The following PDE11A variants were observed in gnomAD, a reference collection of about 807,000 sequenced individuals.
PDE11A encodes the protein dual 3',5'-cyclic-AMP and -GMP phosphodiesterase 11A.
Under a neutral mutation model 100.5 loss-of-function variants are expected in PDE11A, and 100 were observed. The ratio of observed to expected loss-of-function variants is 1.00; its 90% CI spans 0.85 to 1.18. PDE11A has a LOEUF of 1.18. Ranked by LOEUF, PDE11A falls within the 50% of genes most tolerant of loss-of-function variation. The pLI, the probability that PDE11A is intolerant of heterozygous loss-of-function variation, is 0.00. For missense variants in PDE11A, 1,141 were observed against 1,152.6 expected (o/e 0.99, Z 0.15); for synonymous variants, 381 against 420.8 (o/e 0.91, Z 1.16).
At chr2:177,720,969 G>A (rs1393484966) in intron 12 of PDE11A, among the ~76,000 whole-genome samples, 2 of 152,112 alleles carry the variant, frequency 1.3e-5, no homozygotes, top group African/African-American at 4.8e-5. Context: ...GCTTGTGTAT[G>A]TAAGTCTCAG....
intron 2 of PDE11A, among the ~76,000 whole-genome samples, chr2:177,943,425 G>A (rs988196253): frequency 5.3e-5 from 8 of 151,994 alleles, no homozygotes; most frequent in African/African-American, 7.3e-5. Flanking sequence ...TGCCATCCTC[G>A]TGGGTGCGAC....
At chr2:177,897,836 A>G (rs540863928) in intron 4 of PDE11A, among the ~76,000 whole-genome samples, 3 of 152,302 alleles carry the variant, frequency 2.0e-5, no homozygotes, top group African/African-American at 7.2e-5. Flanking sequence ...TTAGATCTCT[A>G]AAGTCCCTGT....
At chr2:177,735,168 G>A (rs1022596456) in intron 10 of PDE11A, among the ~76,000 whole-genome samples, 3 of 152,138 alleles carry the variant, frequency 2.0e-5, no homozygotes, top group Non-Finnish European at 2.9e-5. Flanking sequence ...AGGAACCCCC[G>A]GGAGAGTTTA....
intron 2 of PDE11A, among the ~76,000 whole-genome samples, chr2:177,948,722 A>G (rs2085472923): frequency 6.6e-6 from 1 of 152,158 alleles, no homozygotes; most frequent in Non-Finnish European, 1.5e-5. Context: ...TGGGCAACAC[A>G]GTGAGACACT....
intron 1 of PDE11A, among the ~76,000 whole-genome samples, chr2:178,047,820 C>A (rs2086771153): frequency 6.6e-6 from 1 of 152,028 alleles, no homozygotes; most frequent in Non-Finnish European, 1.5e-5. Flanking sequence ...TTTCCTAACC[C>A]CCCCATGTTA....
At chr2:177,927,886 C>T (rs1321086488) in intron 2 of PDE11A, among the ~76,000 whole-genome samples, 2 of 152,024 alleles carry the variant, frequency 1.3e-5, no homozygotes, top group African/African-American at 2.4e-5. Flanking sequence ...GGGCAGATCA[C>T]CTGAGGTTGG....
intron 10 of PDE11A, among the ~76,000 whole-genome samples, chr2:177,730,984 T>C (rs2081679963): frequency 6.6e-6 from 1 of 152,188 alleles, no homozygotes; most frequent in Admixed American, 6.5e-5. Flanking sequence ...CATTCTACTT[T>C]CTGTTTCTAT....
chr2:177,914,398 C>T (rs115974047), intron 2 of PDE11A, among the ~76,000 whole-genome samples: 23 of 152,260 alleles, frequency 1.5e-4, no homozygotes, highest in Middle Eastern at 3.4e-3. Context: ...TAAACTTGGC[C>T]TACTCTCTCT....
intron 10 of PDE11A, among the ~76,000 whole-genome samples, chr2:177,766,775 C>A (rs953545064): frequency 6.6e-6 from 1 of 152,078 alleles, no homozygotes; most frequent in African/African-American, 2.4e-5. Context: ...AGAAAAATCC[C>A]ATTTTAAAAT....
At chr2:177,961,606 A>C (rs1289098734) in intron 2 of PDE11A, among the ~76,000 whole-genome samples, 2 of 152,192 alleles carry the variant, frequency 1.3e-5, no homozygotes, top group Non-Finnish European at 2.9e-5. Context: ...ACCATAATGG[A>C]AAGTCAATAC....
At chr2:177,777,385 T>C (rs1272506759) in intron 9 of PDE11A, among the ~76,000 whole-genome samples, 1 of 152,200 alleles carries the variant, frequency 6.6e-6, no homozygotes, top group Admixed American at 6.5e-5. Flanking sequence ...ACTTTTAGCA[T>C]AGTCAATCTT....
chr2:177,853,778 A>C (rs2083774995), intron 5 of PDE11A, among the ~76,000 whole-genome samples: 4 of 139,820 alleles, frequency 2.9e-5, no homozygotes, highest in Admixed American at 7.6e-5. Flanking sequence ...ATATATCTAT[A>C]TATGTGTATA....
At chr2:177,988,497 G>A (rs2085966212) in intron 2 of PDE11A, among the ~76,000 whole-genome samples, 1 of 152,106 alleles carries the variant, frequency 6.6e-6, no homozygotes, top group East Asian at 1.9e-4. Context: ...AAAAAAGCAG[G>A]CTTCATAAGC....
At chr2:177,943,267 T>G (rs2085366126) in intron 2 of PDE11A, among the ~76,000 whole-genome samples, 1 of 152,202 alleles carries the variant, frequency 6.6e-6, no homozygotes, top group African/African-American at 2.4e-5. Context: ...ATACGGTAGT[T>G]CTACTTTTAA....
chr2:177,926,004 A>C (rs1437918947), intron 2 of PDE11A, among the ~76,000 whole-genome samples: 1 of 152,220 alleles, frequency 6.6e-6, no homozygotes, highest in Non-Finnish European at 1.5e-5. Context: ...TCCTTCCTCC[A>C]TTTGAAGAAA....
intron 5 of PDE11A, among the ~76,000 whole-genome samples, chr2:177,853,114 A>G (rs149921477): frequency 2.5e-5 from 3 of 119,284 alleles, no homozygotes; most frequent in East Asian, 5.1e-4. Flanking sequence ...TGCTTCTGTC[A>G]CAGCTGAATA....
chr2:177,719,239 G>C (rs555833210), intron 12 of PDE11A, among the ~76,000 whole-genome samples: 33 of 152,288 alleles, frequency 2.2e-4, no homozygotes, highest in African/African-American at 7.9e-4. Context: ...CGGAAGTATT[G>C]AATGATAAGG....
intron 2 of PDE11A, among the ~76,000 whole-genome samples, chr2:177,928,630 G>C (rs2085163455): frequency 6.6e-6 from 1 of 152,202 alleles, no homozygotes; most frequent in Admixed American, 6.5e-5. Context: ...TAACAGAATA[G>C]CCAGGCACAA....
intron 10 of PDE11A, among the ~76,000 whole-genome samples, chr2:177,729,856 CT>C (rs141821499): frequency 2.7e-5 from 4 of 150,788 alleles, no homozygotes; most frequent in Middle Eastern, 3.5e-3. Flanking sequence ...TTTTTTCCCC[CT>C]TTTTTTTTCC....
Sources: gnomAD v4.1 joint callset for allele counts (sites outside exome capture counted in the v4.1 genomes callset) on GRCh38, gnomAD v4.1.1 for gene constraint, MANE v1.5 for transcripts, NCBI Gene and HGNC (gene_info 2026-07-23, HGNC 2026-07-21) for gene names.